The following WWOX variants were observed in gnomAD, a reference collection of about 807,000 sequenced individuals.
The protein encoded by WWOX is WW domain-containing oxidoreductase.
WWOX carries 69 observed loss-of-function variants against 46.2 expected under a neutral mutation model. The ratio of observed to expected loss-of-function variants is 1.49; its 90% CI spans 1.23 to 1.82. WWOX has a LOEUF of 1.82. WWOX is among the 40% of genes most tolerant of loss of function. WWOX has a pLI of 0.00. For missense variants in WWOX, 919 were observed against 542.6 expected, an observed-to-expected ratio of 1.69 and a Z score of -6.89; for synonymous variants, 359 against 202.6, an observed-to-expected ratio of 1.77 and a Z score of -6.56.
intron 8 of WWOX, among the ~76,000 whole-genome samples, chr16:79,181,236 G>C (rs530656906): frequency 1.3e-3 from 200 of 152,178 alleles, no homozygotes; most frequent in African/African-American, 4.5e-3. Context: ...GCTTTATTTG[G>C]TCAAGACATA....
intron 8 of WWOX, among the ~76,000 whole-genome samples, chr16:78,607,820 G>A (rs925403605): frequency 6.6e-6 from 1 of 151,938 alleles, no homozygotes; most frequent in Non-Finnish European, 1.5e-5. Flanking sequence ...TTGGTGCCAC[G>A]GAAAAGGGCT....
chr16:78,908,392 T>G (rs533487351), intron 8 of WWOX, among the ~76,000 whole-genome samples: 1 of 152,012 alleles, frequency 6.6e-6, no homozygotes, highest in East Asian at 1.9e-4. Flanking sequence ...ATACTAATAT[T>G]AGCCAGGCGT....
chr16:78,848,564 G>A (rs191235178), intron 8 of WWOX, among the ~76,000 whole-genome samples: 1 of 152,264 alleles, frequency 6.6e-6, no homozygotes, highest in East Asian at 1.9e-4. Context: ...TAAGGGTACG[G>A]GGAACCTGGC....
rs530360476 is a variant in WWOX at position 78,855,141 on chromosome 16, A to C, written c.1057-356467A>C. Among the ~76,000 whole-genome samples, 129 of 152,278 alleles carry C rather than the reference A, an allele frequency of 8.5e-4. No individual in the cohort carries two copies. The Middle Eastern group carries it at 0.024, about 28-fold the overall frequency. ...AGTGTGTTTAAATCTCTTTCTGTTAATTTACAATTTGAAAGGTGGGTGAGG... is the reference window on the plus strand; with the variant it reads ...AGTGTGTTTAAATCTCTTTCTGTTACTTTACAATTTGAAAGGTGGGTGAGG... On this transcript the variant is annotated intron_variant, in intron 8 of 8. Transcript: ENST00000566780.
intron 8 of WWOX, among the ~76,000 whole-genome samples, chr16:79,075,109 C>G (rs765277922): frequency 6.6e-6 from 1 of 152,134 alleles, no homozygotes; most frequent in Non-Finnish European, 1.5e-5. Flanking sequence ...CACTGTTTCT[C>G]AAAATATAAT....
At chr16:78,151,308 G>A (rs2034399267) in intron 4 of WWOX, among the ~76,000 whole-genome samples, 1 of 152,048 alleles carries the variant, frequency 6.6e-6, no homozygotes, top group African/African-American at 2.4e-5. Flanking sequence ...CTGATGGTGG[G>A]GTACACCTGC....
intron 5 of WWOX, among the ~76,000 whole-genome samples, chr16:78,218,546 G>A (rs768264371): frequency 1.3e-5 from 2 of 152,064 alleles, no homozygotes; most frequent in East Asian, 1.9e-4. Flanking sequence ...AAAATTTACC[G>A]CCAACCCACA....
chr16:78,530,577 C>T (rs1445529138), intron 8 of WWOX, among the ~76,000 whole-genome samples: 1 of 152,054 alleles, frequency 6.6e-6, no homozygotes, highest in East Asian at 1.9e-4. Context: ...TTTATGGGTA[C>T]AGGATTGGGG....
intron 8 of WWOX, among the ~76,000 whole-genome samples, chr16:78,761,939 AC>A (rs1386503245): frequency 6.6e-6 from 1 of 152,154 alleles, no homozygotes; most frequent in African/African-American, 2.4e-5. Flanking sequence ...TCAATTATAT[AC>A]ATAAGACAAA....
intron 8 of WWOX, among the ~76,000 whole-genome samples, chr16:79,210,134 C>T (rs894205168): frequency 6.6e-6 from 1 of 152,188 alleles, no homozygotes; most frequent in African/African-American, 2.4e-5. Context: ...CACTCACGGT[C>T]CACACCCCGC....
At chr16:78,520,516 A>T (rs939644957) in intron 8 of WWOX, among the ~76,000 whole-genome samples, 3 of 152,166 alleles carry the variant, frequency 2.0e-5, no homozygotes, top group Non-Finnish European at 4.4e-5. Context: ...TCTGTGGAAG[A>T]AACACAGCTT....
chr16:78,750,828 T>C (rs975850413), intron 8 of WWOX, among the ~76,000 whole-genome samples: 12 of 152,206 alleles, frequency 7.9e-5, no homozygotes, highest in Non-Finnish European at 1.8e-4. Flanking sequence ...ATGATTTTCT[T>C]CTTTTTTATG....
At chr16:78,381,358 A>T (rs1159568905) in intron 5 of WWOX, among the ~76,000 whole-genome samples, 1 of 152,226 alleles carries the variant, frequency 6.6e-6, no homozygotes, top group African/African-American at 2.4e-5. Flanking sequence ...GACTTAGTGT[A>T]TTAAGGTGGC....
At chr16:78,546,334 G>T (rs1221886444) in intron 8 of WWOX, among the ~76,000 whole-genome samples, 1 of 152,142 alleles carries the variant, frequency 6.6e-6, no homozygotes, top group East Asian at 1.9e-4. Flanking sequence ...AGAGAAAACA[G>T]TAGTGTGATC....
chr16:78,965,587 C>A (rs1038765759), intron 8 of WWOX, among the ~76,000 whole-genome samples: 1 of 151,914 alleles, frequency 6.6e-6, no homozygotes, highest in Non-Finnish European at 1.5e-5. Context: ...AAAAAAATGC[C>A]CGCCTTATTC....
intron 8 of WWOX, among the ~76,000 whole-genome samples, chr16:79,059,051 A>T (rs2048314979): frequency 6.6e-6 from 1 of 152,236 alleles, no homozygotes; most frequent in Admixed American, 6.5e-5. Context: ...GATTGTTATC[A>T]GTCATAAGCT....
intron 8 of WWOX, among the ~76,000 whole-genome samples, chr16:79,001,883 G>C (rs2047099968): frequency 6.6e-6 from 1 of 152,136 alleles, no homozygotes; most frequent in South Asian, 2.1e-4. Flanking sequence ...TGTCTTTCTA[G>C]AGCAACCTCT....
chr16:79,092,148 G>C lies in WWOX; in HGVS notation c.1057-119460G>C, dbSNP rs139754803. Among the ~76,000 whole-genome samples, 26 of 152,250 alleles carry C rather than the reference G, an allele frequency of 1.7e-4. 1 individual carries two copies. Among genetic ancestry groups the C allele is most frequent in the African/African-American group, 5.5e-4 (23 of 41,552 alleles). Reference sequence around the variant, plus strand: ...TGCTTTCAGGTAGTCTGAATTAGGGGAGTTTGCCTGTGTGCAAGAGAAGGC... The same window carrying C: ...TGCTTTCAGGTAGTCTGAATTAGGGCAGTTTGCCTGTGTGCAAGAGAAGGC... On this transcript the variant is annotated intron_variant, in intron 8 of 8. Coordinates refer to ENST00000566780, the MANE Select transcript of WWOX (RefSeq NM_016373.4).
intron 5 of WWOX, among the ~76,000 whole-genome samples, chr16:78,349,930 A>G (rs1192384540): frequency 1.7e-5 from 2 of 121,112 alleles, no homozygotes; most frequent in East Asian, 3.9e-4. Flanking sequence ...GTGTTATGGA[A>G]GTGTTCTCTC....
Sources: gnomAD v4.1 joint callset for allele counts (sites outside exome capture counted in the v4.1 genomes callset) on GRCh38, gnomAD v4.1.1 for gene constraint, MANE v1.5 for transcripts, NCBI Gene and HGNC (gene_info 2026-07-23, HGNC 2026-07-21) for gene names.